RBFOX1: variants seen among roughly 807,000 people sequenced by gnomAD.
RBFOX1 encodes the protein RNA binding protein fox-1 homolog 1.
A neutral mutation model predicts 57.7 loss-of-function variants in RBFOX1; 8 were observed. That is an observed-to-expected ratio of 0.14 (90% CI 0.08 to 0.25). The LOEUF (loss-of-function observed/expected upper bound fraction) is 0.25. Ranked by LOEUF, RBFOX1 falls within the 10% of genes least tolerant of loss-of-function variation. RBFOX1 has a pLI of 1.00. For synonymous variants in RBFOX1, 326 were observed against 222.4 expected (o/e 1.47, Z -4.15); for missense variants, 611 against 548.5 (o/e 1.11, Z -1.14).
At position 6,066,293 on chromosome 16, in the gene RBFOX1, C is replaced by CAAAAAAAAAAA. The variant is rs372412356; in HGVS notation, c.-127+46318_-127+46328dup. Among the ~76,000 whole-genome samples the CAAAAAAAAAAA allele has an allele frequency of 2.4e-3, 122 of 50,384 alleles. 18 individuals carry two copies. Among genetic ancestry groups the CAAAAAAAAAAA allele is most frequent in the African/African-American group, 0.013 (93 of 6,998 alleles). The allele number at this position is 50,384 out of a possible 152,430, so 33.1% of individuals were successfully genotyped here. ...CTGACTACAGAGCAAGACTCTGTCT[C>CAAAAAAAAAAA]AAAAAAAAAAAAAAAAAAAAAAAAA... On this transcript the variant is annotated intron_variant, in intron 1 of 15. Transcript: ENST00000550418.
intron 2 of RBFOX1, among the ~76,000 whole-genome samples, chr16:6,385,935 CTTTCTTT>C (rs2092240668): frequency 3.7e-5 from 2 of 54,204 alleles, no homozygotes; most frequent in Admixed American, 4.7e-4. Flanking sequence ...TCTTTTTTTT[CTTTCTTT>C]TTTTTTTTTT....
chr16:5,789,419 G>C (rs928901067), intron 3 of RBFOX1, among the ~76,000 whole-genome samples: 2 of 152,084 alleles, frequency 1.3e-5, no homozygotes, highest in Admixed American at 1.3e-4. Context: ...CCGCATATTT[G>C]TGTATATTTA....
rs534879544 is a variant in RBFOX1, at chr16:5,571,157, G to T, written c.259-27745G>T. 1.3e-3 allele frequency among the ~76,000 whole-genome samples: 195 copies of T among 148,000 alleles called. 1 individual carries two copies. The highest frequency in any genetic ancestry group is 4.7e-3 in the African/African-American group (189 of 40,356). On this transcript the variant is annotated intron_variant, in intron 2 of 2. Transcript: ENST00000585867. ...TGTCTACAGTCAGAGTCATGAGACAGAAACCTTGTAACTCTCTTACTCCCT... is the reference window on the plus strand; with the variant it reads ...TGTCTACAGTCAGAGTCATGAGACATAAACCTTGTAACTCTCTTACTCCCT...
At chr16:7,675,094 C>G (rs193283847) in intron 13 of RBFOX1, among the ~76,000 whole-genome samples, 3 of 152,306 alleles carry the variant, frequency 2.0e-5, no homozygotes, top group East Asian at 1.9e-4. Context: ...CTAGCCAGTT[C>G]TAGCCCCTCC....
chr16:6,364,436 C>G (rs374322488), intron 2 of RBFOX1, among the ~76,000 whole-genome samples: 24 of 152,198 alleles, frequency 1.6e-4, no homozygotes, highest in African/African-American at 5.8e-4. Flanking sequence ...TTAACACCCA[C>G]CTTGCCAAGA....
chr16:6,509,468 TG>T (rs1318551681), intron 2 of RBFOX1, among the ~76,000 whole-genome samples: 11 of 152,130 alleles, frequency 7.2e-5, no homozygotes, highest in African/African-American at 2.4e-4. Flanking sequence ...TGCTTATTTG[TG>T]GGAGCTAACA....
chr16:6,558,039 T>A (rs930789330), intron 2 of RBFOX1, among the ~76,000 whole-genome samples: 3 of 152,214 alleles, frequency 2.0e-5, no homozygotes, highest in African/African-American at 4.8e-5. Flanking sequence ...GATCTATTTT[T>A]CATAAATTAG....
chr16:7,683,033 T>A lies in RBFOX1; in HGVS notation c.995+6195T>A, dbSNP rs74011831. ...GTGTATATATATATATATATATATA[T>A]AAAACAGTGCTCCTCTTAAAGTGAT... is the stretch of plus-strand genomic sequence containing the variant. On this transcript the variant is annotated intron_variant, in intron 14 of 15. Transcript: ENST00000550418. 1.9e-3 allele frequency among the ~76,000 whole-genome samples: 49 copies of A among 25,824 alleles called. 2 individuals carry two copies. Among genetic ancestry groups the A allele is most frequent in the South Asian group, 3.2e-3 (3 of 928 alleles). The allele number at this position is 25,824 out of a possible 152,430, so 16.9% of individuals were successfully genotyped here.
chr16:7,357,332 C>T lies in RBFOX1; in HGVS notation c.28-160815C>T, dbSNP rs2097235957. Among the ~76,000 whole-genome samples, 3 of 151,648 alleles carry T rather than the reference C, an allele frequency of 2.0e-5. No individual in the cohort carries two copies. In the South Asian group the frequency reaches 6.2e-4, roughly 32 times the overall value. On this transcript the variant is annotated intron_variant, in intron 4 of 15. Coordinates refer to ENST00000550418, the MANE Select transcript of RBFOX1 (RefSeq NM_018723.4). ...ATACTCCCATTTTTCACTACAAAAA[C>T]ATTTTTAGAGAAACTGATGATGAAA...
At position 5,717,583 on chromosome 16, in the gene RBFOX1, T is replaced by C. The variant is rs185741925; in HGVS notation, c.318+118622T>C. Reference sequence around the variant, plus strand: ...ATCCTCATAGCTTAGCTCCCACTTATAAGTGCGAATATACGATATTTGGTT... The same window carrying C: ...ATCCTCATAGCTTAGCTCCCACTTACAAGTGCGAATATACGATATTTGGTT... On this transcript the variant is annotated intron_variant, in intron 3 of 19. Coordinates refer to the RBFOX1 transcript ENST00000641259. Among the ~76,000 whole-genome samples, 14 of 152,296 alleles carry C rather than the reference T, an allele frequency of 9.2e-5. No homozygotes were observed. The East Asian group carries it at 1.3e-3, about 15-fold the overall frequency.
At chr16:7,091,528 A>T (rs1319118678) in intron 4 of RBFOX1, among the ~76,000 whole-genome samples, 1 of 98,930 alleles carries the variant, frequency 1.0e-5, no homozygotes, top group Non-Finnish European at 2.3e-5. Flanking sequence ...TCAGTCACTT[A>T]AAAAAAAAAA....
At chr16:7,644,345 C>T (rs149808783) in intron 11 of RBFOX1, among the ~76,000 whole-genome samples, 2 of 152,306 alleles carry the variant, frequency 1.3e-5, no homozygotes, top group Non-Finnish European at 2.9e-5. Context: ...TATCATCATG[C>T]AATTGAATTT....
intron 3 of RBFOX1, among the ~76,000 whole-genome samples, chr16:6,843,566 G>C (rs149074661): frequency 3.3e-5 from 5 of 152,164 alleles, no homozygotes; most frequent in African/African-American, 1.2e-4. Flanking sequence ...GCGGGCACCT[G>C]TAGTCCCAGC....
chr16:7,480,027 G>A (rs1174811407), intron 4 of RBFOX1, among the ~76,000 whole-genome samples: 1 of 152,178 alleles, frequency 6.6e-6, no homozygotes, highest in Non-Finnish European at 1.5e-5. Context: ...CCCCACCGAT[G>A]TCCATGTGCT....
intron 3 of RBFOX1, among the ~76,000 whole-genome samples, chr16:6,885,842 A>G (rs908997698): frequency 7.2e-5 from 11 of 152,046 alleles, no homozygotes; most frequent in African/African-American, 2.2e-4. Context: ...TAGTCATGCA[A>G]TTTTTATTTT....
chr16:6,031,824 C>T (rs2095294604), intron 1 of RBFOX1, among the ~76,000 whole-genome samples: 1 of 152,194 alleles, frequency 6.6e-6, no homozygotes, highest in Non-Finnish European at 1.5e-5. Context: ...CACATCCCTC[C>T]TGGACTGATC....
At chr16:5,981,703 G>A (rs143785805) in intron 4 of RBFOX1, among the ~76,000 whole-genome samples, 7 of 152,066 alleles carry the variant, frequency 4.6e-5, no homozygotes, top group East Asian at 3.9e-4. Flanking sequence ...TCCTGACCTC[G>A]AGTGGTCCAC....
At chr16:6,206,537 A>T (rs145452232) in intron 1 of RBFOX1, among the ~76,000 whole-genome samples, 6 of 152,194 alleles carry the variant, frequency 3.9e-5, no homozygotes, top group African/African-American at 1.4e-4. Flanking sequence ...CCTTGTCCCT[A>T]TATCTCCAGG....
intron 3 of RBFOX1, among the ~76,000 whole-genome samples, chr16:6,708,960 G>A (rs571725211): frequency 1.3e-5 from 2 of 150,674 alleles, no homozygotes; most frequent in African/African-American, 4.9e-5. Flanking sequence ...GCGGTGGCTG[G>A]TTAATTTCAG....
Sources: allele counts gnomAD v4.1 joint callset (sites outside exome capture counted in the v4.1 genomes callset), GRCh38; gene constraint gnomAD v4.1.1; transcripts MANE v1.5; gene names NCBI Gene and HGNC (gene_info 2026-07-23, HGNC 2026-07-21).